The following SNX30 variants were observed in gnomAD, a reference collection of about 807,000 sequenced individuals.
SNX30 encodes the protein sorting nexin-30.
A neutral mutation model predicts 46.4 loss-of-function variants in SNX30; 24 were observed. The observed-to-expected ratio is 0.52, with a 90% CI of 0.37 to 0.73. The LOEUF (loss-of-function observed/expected upper bound fraction) is 0.73, where lower values mean the gene tolerates loss of function less well. Ranked by LOEUF, SNX30 falls within the 30% of genes least tolerant of loss-of-function variation. The pLI, the probability that SNX30 is intolerant of heterozygous loss-of-function variation, is 0.00. For synonymous variants in SNX30, 189 were observed against 211.5 expected (o/e 0.89, Z 0.92); for missense variants, 533 against 555.7 (o/e 0.96, Z 0.41).
rs187215168 is a variant in SNX30 at position 112,874,963 on chromosome 9, A to G, written c.*6120A>G. 3.9e-5 allele frequency: 6 copies of G among 152,340 alleles called. No individual in the cohort carries two copies. In the East Asian group the frequency reaches 5.8e-4, roughly 15 times the overall value. The allele number at this position is 152,340 out of a possible 1,614,324, so 9.4% of individuals were successfully genotyped here. ...ACTTCAATTAACTTAAAGGACCAAT[A>G]AACCCATAAAAGATGCTTTCTTTAT... On this transcript the variant is annotated 3_prime_UTR_variant, in exon 9 of 9. Coordinates refer to ENST00000374232, the MANE Select transcript of SNX30 (RefSeq NM_001012994.2).
intron 1 of SNX30, among the ~76,000 whole-genome samples, chr9:112,756,130 A>G (rs998671931): frequency 6.6e-6 from 1 of 152,224 alleles, no homozygotes; most frequent in African/African-American, 2.4e-5. Flanking sequence ...CCAGATTAAG[A>G]TACAGAATAT....
intron 7 of SNX30, among the ~76,000 whole-genome samples, chr9:112,863,037 C>G (rs1295757731): frequency 2.0e-5 from 3 of 152,170 alleles, no homozygotes; most frequent in African/African-American, 4.8e-5. Context: ...ATTCACTTGC[C>G]TTGGCCATGT....
intron 7 of SNX30, among the ~76,000 whole-genome samples, chr9:112,857,935 A>T (rs187318113): frequency 7.9e-5 from 12 of 152,324 alleles, no homozygotes; most frequent in African/African-American, 2.9e-4. Flanking sequence ...TCCCCAGCAC[A>T]CAGAAATGCA....
chr9:112,818,273 C>T (rs982460469), intron 3 of SNX30, among the ~76,000 whole-genome samples: 1 of 151,010 alleles, frequency 6.6e-6, no homozygotes, highest in Non-Finnish European at 1.5e-5. Flanking sequence ...ATGATCGCAG[C>T]TCACTGCAAC....
At chr9:112,786,679 T>A (rs1478666423) in intron 1 of SNX30, among the ~76,000 whole-genome samples, 1 of 151,734 alleles carries the variant, frequency 6.6e-6, no homozygotes, top group Non-Finnish European at 1.5e-5. Flanking sequence ...TTTTTTTTTT[T>A]AAACTTTTGA....
chr9:112,881,791 A>T (rs1373449594), downstream of SNX30: 1 of 152,248 alleles, frequency 6.6e-6, no homozygotes, highest in Non-Finnish European at 1.5e-5. Flanking sequence ...TAAACAGCTA[A>T]TCATGAAATC....
chr9:112,868,961 T>A lies in SNX30; in HGVS notation c.*118T>A. ...AAAACAACCACAGAAACATCTCTCC[T>A]TTGTGTATTTTTCCCTCCCCCACCT... On this transcript the variant is annotated 3_prime_UTR_variant, in exon 9 of 9. Coordinates refer to ENST00000374232, the MANE Select transcript of SNX30 (RefSeq NM_001012994.2). The A allele has an allele frequency of 1.0e-6, 1 of 990,292 alleles. No homozygotes were observed. The highest frequency in any genetic ancestry group is 1.6e-6 in the Non-Finnish European group (1 of 628,616). The allele number at this position is 990,292 out of a possible 1,614,324, so 61.3% of individuals were successfully genotyped here.
chr9:112,844,998 T>C (rs538736682), intron 6 of SNX30, among the ~76,000 whole-genome samples: 1 of 152,262 alleles, frequency 6.6e-6, no homozygotes, highest in Admixed American at 6.5e-5. Flanking sequence ...TCCCCTTTCC[T>C]GAACAAAAGA....
chr9:112,763,133 T>A lies in SNX30; in HGVS notation c.156+11976T>A, dbSNP rs115307838. On this transcript the variant is annotated intron_variant, in intron 1 of 8. Transcript: ENST00000374232. Reference sequence around the variant, plus strand: ...TGATCAGGGTGAGGGGTTGTATGGGTGGGGCACTGACAGCATCTGCTACAG... The same window carrying A: ...TGATCAGGGTGAGGGGTTGTATGGGAGGGGCACTGACAGCATCTGCTACAG... Among the ~76,000 whole-genome samples the A allele has an allele frequency of 3.5e-3, 525 of 152,012 alleles. 4 individuals are homozygous for A. Among genetic ancestry groups the A allele is most frequent in the African/African-American group, 0.012 (515 of 41,482 alleles).
intron 7 of SNX30, chr9:112,856,629 TTG>T (rs1841134546): frequency 6.6e-6 from 1 of 152,116 alleles, no homozygotes; most frequent in South Asian, 2.1e-4. Flanking sequence ...GCTGTAGACC[TTG>T]GACAGCTCTT....
chr9:112,773,987 T>G (rs2645993), intron 1 of SNX30, among the ~76,000 whole-genome samples: 1 of 152,182 alleles, frequency 6.6e-6, no homozygotes, highest in Non-Finnish European at 1.5e-5. Flanking sequence ...TGTGACCTGT[T>G]TGTCTTCAGA....
chr9:112,766,348 A>G (rs925186958), intron 1 of SNX30, among the ~76,000 whole-genome samples: 27 of 144,474 alleles, frequency 1.9e-4, no homozygotes, highest in Admixed American at 1.5e-3. Context: ...TCCTAAGCAC[A>G]TGTACTTTTT....
intron 1 of SNX30, among the ~76,000 whole-genome samples, chr9:112,785,735 G>C (rs1009184577): frequency 6.6e-6 from 1 of 151,970 alleles, no homozygotes; most frequent in Non-Finnish European, 1.5e-5. Flanking sequence ...TCACTAGGTT[G>C]CCTAGGTTGT....
intron 1 of SNX30, among the ~76,000 whole-genome samples, chr9:112,789,581 G>A (rs887261384): frequency 6.6e-6 from 1 of 152,162 alleles, no homozygotes; most frequent in African/African-American, 2.4e-5. Context: ...TTGAAATACT[G>A]GATCTTCCTT....
chr9:112,857,721 T>C (rs1841156808), intron 7 of SNX30, among the ~76,000 whole-genome samples: 1 of 152,124 alleles, frequency 6.6e-6, no homozygotes, highest in Admixed American at 6.5e-5. Context: ...TTCTAGGGCC[T>C]GGAAATGCGT....
chr9:112,847,527 GAC>G (rs1840958573), intron 6 of SNX30, among the ~76,000 whole-genome samples: 1 of 150,994 alleles, frequency 6.6e-6, no homozygotes, highest in South Asian at 2.1e-4. Flanking sequence ...GTTTGTCTCA[GAC>G]ACAGTTTCTG....
chr9:112,804,701 G>C (rs1296436471), intron 1 of SNX30, 75 bp from the exon 2 acceptor site: 5 of 1,364,358 alleles, frequency 3.7e-6, no homozygotes, highest in Admixed American at 4.5e-5. Flanking sequence ...TATTGGTTTG[G>C]CTAAACCAGC....
At chr9:112,827,616 G>A (rs1840597025) in intron 3 of SNX30, among the ~76,000 whole-genome samples, 1 of 152,142 alleles carries the variant, frequency 6.6e-6, no homozygotes, top group Admixed American at 6.5e-5. Context: ...AAGTGGCCTA[G>A]TATTCCACTT....
intron 1 of SNX30, among the ~76,000 whole-genome samples, chr9:112,804,007 C>T (rs1279701895): frequency 2.2e-5 from 3 of 138,560 alleles, no homozygotes; most frequent in Admixed American, 7.3e-5. Flanking sequence ...GCGCACGGTG[C>T]GCACACACAC....
Sources: allele counts gnomAD v4.1 joint callset (sites outside exome capture counted in the v4.1 genomes callset), GRCh38; gene constraint gnomAD v4.1.1; transcripts MANE v1.5; gene names NCBI Gene and HGNC (gene_info 2026-07-23, HGNC 2026-07-21).